The following LIN7A variants were observed in gnomAD, a reference collection of about 807,000 sequenced individuals.
LIN7A encodes lin-7 cell polarity scaffold A, also known as protein lin-7 homolog A.
In LIN7A, 25 loss-of-function variants were observed where a neutral mutation model predicts 29.8. The ratio of observed to expected loss-of-function variants is 0.84; its 90% CI spans 0.61 to 1.17. LIN7A has a LOEUF of 1.17. LIN7A is among the 50% of genes most tolerant of loss of function. The pLI, the probability that LIN7A is intolerant of heterozygous loss-of-function variation, is 0.00. For synonymous variants in LIN7A, 118 were observed against 107.5 expected (o/e 1.10, Z -0.60); for missense variants, 239 against 287.0 (o/e 0.83, Z 1.21).
intron 2 of LIN7A, among the ~76,000 whole-genome samples, chr12:80,865,123 CA>C (rs1268584541): frequency 6.6e-6 from 1 of 152,062 alleles, no homozygotes; most frequent in African/African-American, 2.4e-5. Context: ...ATGCCTGTTT[CA>C]AAGTTTATGG....
intron 2 of LIN7A, among the ~76,000 whole-genome samples, chr12:80,859,481 T>G (rs1873761231): frequency 6.6e-6 from 1 of 152,168 alleles, no homozygotes; most frequent in Non-Finnish European, 1.5e-5. Context: ...GAGTTATTTC[T>G]TTGTCAGAAG....
At chr12:80,921,310 T>G (rs771407211) in intron 1 of LIN7A, among the ~76,000 whole-genome samples, 18 of 151,798 alleles carry the variant, frequency 1.2e-4, no homozygotes, top group Non-Finnish European at 2.2e-4. Flanking sequence ...AGTGACCTAG[T>G]CTATGGTATT....
chr12:80,903,535 T>C (rs1232298036), intron 1 of LIN7A, among the ~76,000 whole-genome samples: 1 of 152,128 alleles, frequency 6.6e-6, no homozygotes, highest in Non-Finnish European at 1.5e-5. Context: ...GATTTCATTA[T>C]TTTTTATGAC....
intron 1 of LIN7A, among the ~76,000 whole-genome samples, chr12:80,913,174 A>G (rs1380084674): frequency 6.6e-6 from 1 of 152,200 alleles, no homozygotes; most frequent in African/African-American, 2.4e-5. Context: ...TTGAAAATGC[A>G]TCTACATATT....
intron 1 of LIN7A, among the ~76,000 whole-genome samples, chr12:80,932,854 A>G (rs1172003774): frequency 6.6e-6 from 1 of 152,208 alleles, no homozygotes; most frequent in African/African-American, 2.4e-5. Flanking sequence ...TAAGGATTGC[A>G]TTCTTCTTTG....
At chr12:80,846,212 C>T (rs1873070367) in intron 3 of LIN7A, among the ~76,000 whole-genome samples, 1 of 152,150 alleles carries the variant, frequency 6.6e-6, no homozygotes, top group Admixed American at 6.5e-5. Context: ...TTTCCAGTTA[C>T]CTTGGTTAGC....
At chr12:80,898,273 T>A (rs1034730674) in intron 1 of LIN7A, among the ~76,000 whole-genome samples, 1 of 152,218 alleles carries the variant, frequency 6.6e-6, no homozygotes, top group African/African-American at 2.4e-5. Flanking sequence ...GAAGATCAGA[T>A]GGTTGTTGGT....
Position 80,796,373 on chromosome 12 carries a change from A to G in LIN7A, c.*1354T>C, listed in dbSNP as rs1870448872. 6.6e-6 allele frequency: 1 copy of G among 152,208 alleles called. No individual in the cohort carries two copies. Among genetic ancestry groups the G allele is most frequent in the Admixed American group, 6.6e-5 (1 of 15,258 alleles). The allele number at this position is 152,208 out of a possible 1,614,324, so 9.4% of individuals were successfully genotyped here. ...TTATTGCTTCCTATTTATTTCATAA[A>G]GTAAAATCAGACTTAGGTGCCTAGA... On this transcript the variant is annotated 3_prime_UTR_variant, in exon 6 of 6. Transcript: ENST00000552864.
chr12:80,878,256 T>C (rs556539339), intron 2 of LIN7A, among the ~76,000 whole-genome samples: 1 of 152,306 alleles, frequency 6.6e-6, no homozygotes, highest in African/African-American at 2.4e-5. Context: ...AAGTTGATGT[T>C]ACAAACACTC....
rs1263610920 is a variant in LIN7A at position 80,792,581 on chromosome 12, T to C, written c.*5146A>G. On this transcript the variant is annotated 3_prime_UTR_variant, in exon 6 of 6. Transcript: ENST00000552864. ...TACCACTTTGGTCAGGTTGAACCAC[T>C]GCACAATTTTGCAGCTCTTTCAGAA... The C allele has an allele frequency of 6.6e-6, 1 of 152,216 alleles. No homozygotes were observed. Among genetic ancestry groups the C allele is most frequent in the Non-Finnish European group, 1.5e-5 (1 of 68,028 alleles). 9.4% of individuals were successfully genotyped at this position (152,216 alleles called of 1,614,324 possible).
chr12:80,819,080 A>G (rs1476102744), intron 4 of LIN7A, among the ~76,000 whole-genome samples: 1 of 152,244 alleles, frequency 6.6e-6, no homozygotes, highest in African/African-American at 2.4e-5. Flanking sequence ...AGGTGAGTAC[A>G]GCACAATGGG....
chr12:80,919,154 G>A (rs1299148560), intron 1 of LIN7A, among the ~76,000 whole-genome samples: 1 of 152,212 alleles, frequency 6.6e-6, no homozygotes, highest in African/African-American at 2.4e-5. Context: ...GGTAGTTGCT[G>A]AGATGTACAA....
intron 1 of LIN7A, among the ~76,000 whole-genome samples, chr12:80,903,726 T>C (rs1259283448): frequency 6.6e-6 from 1 of 152,028 alleles, no homozygotes; most frequent in Non-Finnish European, 1.5e-5. Context: ...GATCAAATAG[T>C]AGTAGAGTTC....
At chr12:80,898,654 T>G (rs752559133) in intron 1 of LIN7A, among the ~76,000 whole-genome samples, 1 of 152,214 alleles carries the variant, frequency 6.6e-6, no homozygotes, top group Non-Finnish European at 1.5e-5. Context: ...CATCTCTGAT[T>G]TCTTTGAGAA....
At chr12:80,835,259 G>C (rs560956068) in intron 4 of LIN7A, among the ~76,000 whole-genome samples, 29 of 152,114 alleles carry the variant, frequency 1.9e-4, no homozygotes, top group Non-Finnish European at 4.1e-4. Context: ...ATAATATACA[G>C]CAACAATGCT....
intron 5 of LIN7A, among the ~76,000 whole-genome samples, chr12:80,807,781 G>A (rs904327157): frequency 1.3e-4 from 20 of 152,100 alleles, no homozygotes; most frequent in African/African-American, 4.8e-4. Context: ...AAAATGACTC[G>A]TCCTTGTCTG....
rs1248302435 is a variant in LIN7A, at chr12:80,793,001, A to G, written c.*4726T>C. 1 of 152,176 alleles carries G rather than the reference A, an allele frequency of 6.6e-6. No homozygotes were observed. 9.4% of individuals were successfully genotyped at this position (152,176 alleles called of 1,614,324 possible). ...GTTAATATCTTTTGTATATTACTTTACAATTTCCAAGTATTTTATATACAG... is the reference window on the plus strand; with the variant it reads ...GTTAATATCTTTTGTATATTACTTTGCAATTTCCAAGTATTTTATATACAG... On this transcript the variant is annotated 3_prime_UTR_variant, in exon 6 of 6. Transcript: ENST00000552864.
intron 2 of LIN7A, among the ~76,000 whole-genome samples, chr12:80,883,806 A>T (rs1875190158): frequency 6.6e-6 from 1 of 152,172 alleles, no homozygotes; most frequent in African/African-American, 2.4e-5. Context: ...GGTCAATTTG[A>T]CCACAACACT....
At chr12:80,865,317 T>A (rs569959818) in intron 2 of LIN7A, among the ~76,000 whole-genome samples, 78 of 152,164 alleles carry the variant, frequency 5.1e-4, no homozygotes, top group Middle Eastern at 6.8e-3. Flanking sequence ...TCTGTCATTT[T>A]AAAAAAAAGG....
Sources: gnomAD v4.1 joint callset for allele counts (sites outside exome capture counted in the v4.1 genomes callset) on GRCh38, gnomAD v4.1.1 for gene constraint, MANE v1.5 for transcripts, NCBI Gene and HGNC (gene_info 2026-07-23, HGNC 2026-07-21) for gene names.